SCN7A: variants seen among roughly 807,000 people sequenced by gnomAD.
SCN7A encodes sodium voltage-gated channel alpha subunit 7.
SCN7A carries 138 observed loss-of-function variants against 155.2 expected under a neutral mutation model. That is an observed-to-expected ratio of 0.89 (90% confidence interval 0.77 to 1.02). The LOEUF (loss-of-function observed/expected upper bound fraction) is 1.02, where lower values mean the gene tolerates loss of function less well. Among genes scored for constraint, SCN7A ranks in the 50% least tolerant of loss-of-function variants. SCN7A has a pLI of 0.00. For missense variants in SCN7A, 2,058 were observed against 1,986.6 expected (o/e 1.04, Z -0.68); for synonymous variants, 693 against 649.0 (o/e 1.07, Z -1.03).
chr2:166,435,103 A>G lies in SCN7A; in HGVS notation c.2158-2351T>C, dbSNP rs573518192. On this transcript the variant is annotated intron_variant, in intron 15 of 25. Transcript: ENST00000643258. ...TATAGTGAAAATGTTCAAAGCCTAAAAATGAACGTAATCTTAAAAGTGCTA... is the reference window on the plus strand; with the variant it reads ...TATAGTGAAAATGTTCAAAGCCTAAGAATGAACGTAATCTTAAAAGTGCTA... Among the ~76,000 whole-genome samples the G allele has an allele frequency of 2.0e-5, 3 of 152,206 alleles. No homozygotes were observed. The South Asian group carries it at 6.2e-4, about 32-fold the overall frequency.
intron 25 of SCN7A, among the ~76,000 whole-genome samples, chr2:166,408,948 A>G (rs1254861710): frequency 6.6e-6 from 1 of 151,876 alleles, no homozygotes; most frequent in Non-Finnish European, 1.5e-5. Flanking sequence ...TCTTCCATAA[A>G]GTTTTCTCTG....
intron 17 of SCN7A, among the ~76,000 whole-genome samples, chr2:166,428,296 A>G (rs1701665254): frequency 6.6e-6 from 1 of 152,124 alleles, no homozygotes; most frequent in African/African-American, 2.4e-5. Context: ...ACATTTTGAT[A>G]TAATGCCTGA....
At chr2:166,414,187 AATATAT>A (rs1181060655) in intron 21 of SCN7A, among the ~76,000 whole-genome samples, 1 of 22,696 alleles carries the variant, frequency 4.4e-5, no homozygotes, top group African/African-American at 1.6e-4. Context: ...AAATATATAT[AATATAT>A]AATATATTAT....
intron 20 of SCN7A, among the ~76,000 whole-genome samples, chr2:166,420,234 C>T (rs1559093066): frequency 1.3e-5 from 2 of 151,868 alleles, no homozygotes; most frequent in African/African-American, 4.8e-5. Flanking sequence ...GTTATGGTTT[C>T]TTAATTAATA....
chr2:166,431,394 T>A (rs1052896505), intron 16 of SCN7A, among the ~76,000 whole-genome samples: 1 of 152,078 alleles, frequency 6.6e-6, no homozygotes, highest in Non-Finnish European at 1.5e-5. Flanking sequence ...GTAGAGAGCA[T>A]CTGCCAAAAC....
chr2:166,418,181 C>T (rs192071696), intron 20 of SCN7A, among the ~76,000 whole-genome samples: 9 of 150,676 alleles, frequency 6.0e-5, no homozygotes, highest in African/African-American at 2.2e-4. Flanking sequence ...TGTGCAATGG[C>T]CCGATCTTGG....
intron 3 of SCN7A, among the ~76,000 whole-genome samples, chr2:166,476,740 T>G (rs1162236227): frequency 3.3e-5 from 5 of 152,056 alleles, no homozygotes; most frequent in Admixed American, 3.3e-4. Flanking sequence ...ACAGCTAAGT[T>G]TCCAGTTATA....
chr2:166,479,580 T>C (rs1444734661), intron 2 of SCN7A, among the ~76,000 whole-genome samples: 1 of 151,166 alleles, frequency 6.6e-6, no homozygotes, highest in African/African-American at 2.4e-5. Context: ...AATGGCTTCC[T>C]TTTCTTACAT....
At position 166,475,983 on chromosome 2, in the gene SCN7A, A is replaced by G. The variant is rs575640912; in HGVS notation, c.234+1480T>C. Among the ~76,000 whole-genome samples the G allele has an allele frequency of 4.6e-5, 7 of 152,060 alleles. No homozygotes were observed. In the East Asian group the frequency reaches 1.4e-3, roughly 29 times the overall value. ...CTTTGCCAGCCATGTCTGTACATGC[A>G]GCAGGGTACTCAGAACTCTGCAGTA... On this transcript the variant is annotated intron_variant, in intron 3 of 25. Coordinates refer to ENST00000643258, the MANE Select transcript of SCN7A (RefSeq NM_002976.4).
intron 15 of SCN7A, among the ~76,000 whole-genome samples, chr2:166,438,828 G>A (rs1014339678): frequency 6.6e-6 from 1 of 151,686 alleles, no homozygotes; most frequent in Non-Finnish European, 1.5e-5. Flanking sequence ...AAATATGATG[G>A]CCAATGAATT....
At chr2:166,465,657 C>A in intron 8 of SCN7A, 124 bp downstream of exon 8, 1 of 1,274,912 alleles carries the variant, frequency 7.8e-7, no homozygotes, top group Non-Finnish European at 1.1e-6. Context: ...AGCAAATATC[C>A]TTGCCTTTCA....
At chr2:166,417,685 T>A (rs948408632) in intron 20 of SCN7A, among the ~76,000 whole-genome samples, 1 of 150,828 alleles carries the variant, frequency 6.6e-6, no homozygotes, top group African/African-American at 2.4e-5. Context: ...TGTATGAGAT[T>A]ATTTTAAAAT....
intron 15 of SCN7A, among the ~76,000 whole-genome samples, chr2:166,435,032 T>TA (rs1701809170): frequency 6.6e-6 from 1 of 152,092 alleles, no homozygotes; most frequent in African/African-American, 2.4e-5. Context: ...ATCTTAGACA[T>TA]ACATGCACAC....
In SCN7A at chr2:166,437,271, C is replaced by T. The variant is rs542180467; in HGVS notation, c.2157+4125G>A. The stretch of plus-strand genomic sequence containing the variant: ...CAAGGTATAGCTTAGGCCATCACTT[C>T]GGAGTGTGCAAGCCCCAAGCCTGAG... On this transcript the variant is annotated intron_variant, in intron 15 of 25. Transcript: ENST00000643258. Among the ~76,000 whole-genome samples the T allele has an allele frequency of 1.1e-4, 16 of 152,308 alleles. No homozygotes were observed. The East Asian group carries it at 1.4e-3, about 13-fold the overall frequency.
At chr2:166,406,788 A>C in intron 25 of SCN7A, 142 bp from the exon 26 acceptor site, 2 of 662,988 alleles carry the variant, frequency 3.0e-6, no homozygotes, top group East Asian at 2.8e-5. Context: ...AATCATTCTC[A>C]TTTAACAGTT....
chr2:166,432,348 C>G lies in SCN7A; in HGVS notation c.2562G>C (p.Gln854His). The G allele has an allele frequency of 6.2e-7, 1 of 1,611,502 alleles. No individual in the cohort carries two copies. The change falls in exon 16 of 26, where the codon CAG (glutamine) becomes CAC (histidine). Residue 854 changes from glutamine to histidine, a missense_variant. By Grantham distance (24) the Gln-to-His change is conservative. Coordinates refer to ENST00000643258, the MANE Select transcript of SCN7A (RefSeq NM_002976.4). ...DIENLDNKEI[Q>H]SKSGDGGSKE... ...TGCTGCCTCCATCACCAGACTTACT[C>G]TGAATCTCCTTATTATCCAGATTTT...
rs1701173691 is a variant in SCN7A, at chr2:166,410,303, T to C, written c.3628A>G (p.Ile1210Val). The change falls in exon 24 of 26, where the codon ATA (isoleucine) becomes GTA (valine). Residue 1210 changes from isoleucine (I) to valine (V), a missense_variant. Physicochemically the swap from Ile to Val is conservative, Grantham distance 29. Transcript: ENST00000643258. ...TACTGTTTTCTCTGTTTAACCGTTA[T>C]AAAGATATTTGAGCCTCCCAGGTAA... is the stretch of plus-strand genomic sequence containing the variant. ...KIKLGGSNIF[I>V]TVKQRKQYRR... The C allele has an allele frequency of 6.5e-7, 1 of 1,547,152 alleles. No homozygotes were observed. The highest frequency in any genetic ancestry group is 8.7e-7 in the Non-Finnish European group (1 of 1,145,156).
chr2:166,432,849 T>A, intron 15 of SCN7A, 97 bp from the exon 16 acceptor site: 1 of 798,840 alleles, frequency 1.3e-6, no homozygotes, highest in Non-Finnish European at 1.9e-6. Context: ...ACATTTAATA[T>A]CTACTCTGTT....
At chr2:166,463,136 A>G (rs919431773) in intron 9 of SCN7A, among the ~76,000 whole-genome samples, 1 of 152,222 alleles carries the variant, frequency 6.6e-6, no homozygotes, top group African/African-American at 2.4e-5. Context: ...CCCATTATTT[A>G]AGGGTGAGAA....
Sources: allele counts gnomAD v4.1 joint callset (sites outside exome capture counted in the v4.1 genomes callset), GRCh38; gene constraint gnomAD v4.1.1; transcripts MANE v1.5; gene names NCBI Gene and HGNC (gene_info 2026-07-23, HGNC 2026-07-21).